The following ZC3H12B variants were observed in gnomAD, a reference collection of about 807,000 sequenced individuals.
The protein encoded by ZC3H12B is probable ribonuclease ZC3H12B.
Under a neutral mutation model 43.9 loss-of-function variants are expected in ZC3H12B, and 7 were observed. The observed-to-expected ratio is 0.16, with a 90% CI of 0.09 to 0.30. The LOEUF (loss-of-function observed/expected upper bound fraction) is 0.30, where lower values mean the gene tolerates loss of function less well. Ranked by LOEUF, ZC3H12B falls within the 10% of genes least tolerant of loss-of-function variation. ZC3H12B has a pLI of 1.00. For missense variants in ZC3H12B, 475 were observed against 670.2 expected (o/e 0.71, Z 3.22); for synonymous variants, 222 against 241.7 (o/e 0.92, Z 0.76).
At chrX:65,317,236 C>T in the ZC3H12B span, among the ~76,000 whole-genome samples, 80 of 98,840 alleles carry the variant, frequency 8.1e-4, no homozygotes, top group African/African-American at 3.7e-3. Flanking sequence ...AATCAGACAT[C>T]AAACAATCCT....
chrX:65,117,132 C>G, the ZC3H12B span, among the ~76,000 whole-genome samples: 1 of 111,567 alleles, frequency 9.0e-6, no homozygotes, highest in African/African-American at 3.3e-5. Context: ...GAGGAATTGC[C>G]ACACTGTCTT....
the ZC3H12B span, among the ~76,000 whole-genome samples, chrX:65,230,706 G>A: frequency 9.1e-6 from 1 of 109,428 alleles, no homozygotes; most frequent in Non-Finnish European, 1.9e-5. Context: ...ACATGAAAGA[G>A]AAGTAATGAT....
At chrX:65,298,756 T>G in the ZC3H12B span, among the ~76,000 whole-genome samples, 2 of 112,075 alleles carry the variant, frequency 1.8e-5, no homozygotes, top group East Asian at 5.6e-4. Flanking sequence ...TGCCTGAGAC[T>G]GGGTAATTTA....
chrX:65,282,596 A>G, the ZC3H12B span, among the ~76,000 whole-genome samples: 3 of 111,907 alleles, frequency 2.7e-5, no homozygotes, highest in African/African-American at 9.7e-5. Context: ...AAAGAAAAAA[A>G]GAGAGAAGAA....
At chrX:65,102,382 C>T in the ZC3H12B span, among the ~76,000 whole-genome samples, 43 of 111,588 alleles carry the variant, frequency 3.9e-4, no homozygotes, top group African/African-American at 1.4e-3. Flanking sequence ...AAGTTCTGGC[C>T]AGAGCAATCA....
the ZC3H12B span, among the ~76,000 whole-genome samples, chrX:65,212,268 TA>T: frequency 1.9e-5 from 1 of 51,351 alleles, no homozygotes; most frequent in African/African-American, 8.5e-5. Context: ...ATATATTATA[TA>T]ATATATAATA....
the ZC3H12B span, among the ~76,000 whole-genome samples, chrX:65,308,416 T>C: frequency 1.8e-5 from 2 of 110,860 alleles, no homozygotes; most frequent in African/African-American, 6.6e-5. Context: ...GGTAAAGGGA[T>C]CAATTAAACA....
the ZC3H12B span, among the ~76,000 whole-genome samples, chrX:65,227,645 TAAAG>T: frequency 9.1e-6 from 1 of 109,922 alleles, no homozygotes. Context: ...GCAAGACTAA[TAAAG>T]AAGAAAAGAG....
chrX:65,179,817 A>C, the ZC3H12B span, among the ~76,000 whole-genome samples: 1 of 112,312 alleles, frequency 8.9e-6, no homozygotes, highest in Non-Finnish European at 1.9e-5. Flanking sequence ...GGAAGAAGTC[A>C]ATTCTCTGAA....
chrX:65,309,766 C>T, the ZC3H12B span, among the ~76,000 whole-genome samples: 31 of 112,029 alleles, frequency 2.8e-4, no homozygotes, highest in South Asian at 8.8e-3. Context: ...TACTGGCAAA[C>T]AGAATCCAGC....
At chrX:65,166,254 C>A in the ZC3H12B span, among the ~76,000 whole-genome samples, 2 of 110,891 alleles carry the variant, frequency 1.8e-5, no homozygotes, top group Non-Finnish European at 3.8e-5. Flanking sequence ...TCCAAGTGTA[C>A]TCATTGGTTA....
chrX:65,105,422 TA>T, the ZC3H12B span, among the ~76,000 whole-genome samples: 3 of 110,900 alleles, frequency 2.7e-5, no homozygotes, highest in Middle Eastern at 4.7e-3. Context: ...AAGTAAAATT[TA>T]AAAAAAGAAT....
At chrX:65,166,572 G>C in the ZC3H12B span, among the ~76,000 whole-genome samples, 16 of 111,835 alleles carry the variant, frequency 1.4e-4, no homozygotes, top group African/African-American at 4.9e-4. Context: ...TAATGGGATG[G>C]CTGGGTCAAA....
the ZC3H12B span, among the ~76,000 whole-genome samples, chrX:65,144,169 A>G: frequency 7.1e-3 from 791 of 111,262 alleles, 4 homozygotes; most frequent in African/African-American, 0.025. Context: ...TACAATTTCA[A>G]TCTCACTGCT....
chrX:65,100,584 A>AC, the ZC3H12B span, among the ~76,000 whole-genome samples: 2 of 102,414 alleles, frequency 2.0e-5, no homozygotes, highest in Non-Finnish European at 3.9e-5. Flanking sequence ...AAAAAAAAAA[A>AC]AAAAAAAAAA....
At chrX:65,226,437 T>C in the ZC3H12B span, among the ~76,000 whole-genome samples, 1 of 111,380 alleles carries the variant, frequency 9.0e-6, no homozygotes, top group East Asian at 2.8e-4. Context: ...GTAAAGACCG[T>C]CAAGGCTAGG....
chrX:65,055,895 C>T, the ZC3H12B span, among the ~76,000 whole-genome samples: 3 of 112,024 alleles, frequency 2.7e-5, no homozygotes, highest in East Asian at 8.3e-4. Flanking sequence ...ATAGTATTCT[C>T]TGATGGTAGT....
intron 3 of ZC3H12B, among the ~76,000 whole-genome samples, chrX:65,436,067 A>C (rs2067218315): frequency 8.9e-6 from 1 of 112,408 alleles, no homozygotes; most frequent in South Asian, 3.7e-4. Flanking sequence ...GGGAGGCCTC[A>C]GGAAACTTAC....
intron 2 of ZC3H12B, among the ~76,000 whole-genome samples, chrX:65,372,872 A>C (rs142600745): frequency 8.9e-6 from 1 of 112,166 alleles, no homozygotes; most frequent in African/African-American, 3.2e-5. Flanking sequence ...ATTACAATAC[A>C]CAGGAAAAGA....
Sources: gnomAD v4.1 joint callset for allele counts (sites outside exome capture counted in the v4.1 genomes callset) on GRCh38, gnomAD v4.1.1 for gene constraint, MANE v1.5 for transcripts, NCBI Gene and HGNC (gene_info 2026-07-23, HGNC 2026-07-21) for gene names.